Variants in BIRC6 observed in about 807,000 individuals in gnomAD.
BIRC6 encodes the protein baculoviral IAP repeat containing 6.
In BIRC6, 98 loss-of-function variants were observed where a neutral mutation model predicts 503.3. That is an observed-to-expected ratio of 0.19 (90% CI 0.17 to 0.23). The LOEUF (loss-of-function observed/expected upper bound fraction) is 0.23, where lower values mean the gene tolerates loss of function less well. Ranked by LOEUF, BIRC6 falls within the 10% of genes least tolerant of loss-of-function variation. The probability of loss-of-function intolerance (pLI) is 1.00; values close to 1 mark genes in which losing one functional copy is unlikely to be tolerated. For missense variants in BIRC6, 5,360 were observed against 5,806.0 expected, an observed-to-expected ratio of 0.92 and a Z score of 2.50; for synonymous variants, 2,240 against 2,078.7, an observed-to-expected ratio of 1.08 and a Z score of -2.11.
chr2:32,363,226 G>A (rs2034387393), intron 1 of BIRC6, among the ~76,000 whole-genome samples: 1 of 152,142 alleles, frequency 6.6e-6, no homozygotes, highest in Admixed American at 6.5e-5. Context: ...CAGATACTCG[G>A]GAGGCTGAGG....
At chr2:32,536,383 T>C (rs1466743978) in intron 61 of BIRC6, among the ~76,000 whole-genome samples, 1 of 152,220 alleles carries the variant, frequency 6.6e-6, no homozygotes, top group Non-Finnish European at 1.5e-5. Flanking sequence ...TCCTTGCCCA[T>C]GCCTATGTCC....
chr2:32,543,597 A>G (rs2057834533), intron 62 of BIRC6, 56 bp downstream of exon 62: 2 of 1,503,392 alleles, frequency 1.3e-6, no homozygotes, highest in South Asian at 2.4e-5. Flanking sequence ...GTGTAAAGGT[A>G]TCCAGATCAT....
In BIRC6 at chr2:32,617,902, T is replaced by C. The variant is rs1251684847; in HGVS notation, c.14572T>C (p.Ter4858ArgextTer8). The C allele has an allele frequency of 6.2e-7, 1 of 1,611,092 alleles. No homozygotes were observed. The highest frequency in any genetic ancestry group is 8.5e-7 in the Non-Finnish European group (1 of 1,177,918). Reference protein sequence around the residue: ...SKELPSDFQL* With the variant: ...SKELPSDFQLR ...AGAACTCCCCAGTGACTTCCAGTTA[T>C]GAGCTGCATTGATGTGGACTTCATA... is the stretch of plus-strand genomic sequence containing the variant. Residue 4858 changes from the stop codon to arginine (R), a stop_lost, in exon 74 of 74, where the codon TGA becomes CGA. Coordinates refer to ENST00000421745, the MANE Select transcript of BIRC6 (RefSeq NM_016252.4).
intron 1 of BIRC6, among the ~76,000 whole-genome samples, chr2:32,371,527 G>T (rs766395799): frequency 1.3e-5 from 2 of 151,378 alleles, no homozygotes; most frequent in Non-Finnish European, 2.9e-5. Context: ...GGTTCATGCC[G>T]CCATGCCCGG....
rs570661118 is a variant in BIRC6, at chr2:32,525,575, C to T, written c.11867C>T (p.Ala3956Val). ...KIGSTSGAEA[A>V]NKIITVPVFH... ...GGAAGTACTTCAGGAGCAGAGGCTGCCAACAAAATAATTACTGTCCCAGTG... is the reference window on the plus strand; with the variant it reads ...GGAAGTACTTCAGGAGCAGAGGCTGTCAACAAAATAATTACTGTCCCAGTG... The change falls in exon 59 of 74, where the codon GCC (alanine) becomes GTC (valine). Residue 3956 changes from alanine to valine, a missense_variant. By Grantham distance (64) the Ala-to-Val change is moderately conservative. Transcript: ENST00000421745. The T allele has an allele frequency of 3.8e-5, 62 of 1,613,704 alleles. No individual in the cohort carries two copies. The highest frequency in any genetic ancestry group is 4.9e-5 in the Non-Finnish European group (58 of 1,179,846).
rs1442106129 is a variant in BIRC6 at position 32,414,954 on chromosome 2, A to G, written c.1663A>G (p.Lys555Glu). ...TNSKSEKTKE[K>E]HQEQHNIPFP... is the part of the protein sequence containing the mutation. ...CTCTAAGAGTGAAAAGACAAAGGAA[A>G]AGCACCAGGAGCAACACAACATTCC... The change falls in exon 10 of 74, where the codon AAG (lysine) becomes GAG (glutamate). Residue 555 changes from lysine (K) to glutamate (E), a missense_variant. Around this residue, in one of 16 missense-constraint regions of BIRC6, gnomAD observed 700 missense variants for 739.3 expected, o/e 0.95. Transcript: ENST00000421745. The G allele has an allele frequency of 2.5e-6, 4 of 1,613,882 alleles. No homozygotes were observed. The highest frequency in any genetic ancestry group is 2.5e-6 in the Non-Finnish European group (3 of 1,179,890).
At position 32,427,746 on chromosome 2, in the gene BIRC6, G is replaced by A. The variant is rs1349954558; in HGVS notation, c.2873-1400G>A. ...TCCGAGAAGACATTTTCAGGTGTGT[G>A]TGTGTGTGTGTGTTTTACATCTTGA... On this transcript the variant is annotated intron_variant, in intron 10 of 73. Transcript: ENST00000421745. 2.0e-5 allele frequency among the ~76,000 whole-genome samples: 3 copies of A among 152,114 alleles called. No homozygotes were observed. The East Asian group carries it at 5.8e-4, about 29-fold the overall frequency.
chr2:32,367,675 G>A (rs921385775), intron 1 of BIRC6, among the ~76,000 whole-genome samples: 9 of 152,012 alleles, frequency 5.9e-5, no homozygotes, highest in African/African-American at 1.7e-4. Flanking sequence ...AATTAGCTGG[G>A]TGTGGTGGTG....
chr2:32,420,541 T>A (rs550388047), intron 10 of BIRC6, among the ~76,000 whole-genome samples: 5 of 152,020 alleles, frequency 3.3e-5, no homozygotes, highest in African/African-American at 1.2e-4. Context: ...TGAGACAGAG[T>A]CTTGCTTTGT....
At chr2:32,517,049 G>C (rs867924594) in intron 55 of BIRC6, among the ~76,000 whole-genome samples, 1 of 152,130 alleles carries the variant, frequency 6.6e-6, no homozygotes. Context: ...AAGAAGGGCA[G>C]GTCGGGTGCT....
At chr2:32,488,496 T>C (rs2051275766) in intron 41 of BIRC6, 92 bp from the exon 42 acceptor site, 1 of 1,114,260 alleles carries the variant, frequency 9.0e-7, no homozygotes, top group African/African-American at 1.6e-5. Flanking sequence ...TATTTACTCG[T>C]GACAAGAATT....
intron 32 of BIRC6, among the ~76,000 whole-genome samples, chr2:32,471,760 A>G (rs982328287): frequency 3.9e-5 from 6 of 152,160 alleles, no homozygotes; most frequent in South Asian, 2.1e-4. Context: ...TAAATCCAGT[A>G]TGTAAGCCAT....
At chr2:32,460,136 A>G (rs1015295828) in intron 23 of BIRC6, among the ~76,000 whole-genome samples, 3 of 123,884 alleles carry the variant, frequency 2.4e-5, no homozygotes, top group Non-Finnish European at 5.4e-5. Flanking sequence ...TCTTGTTCAT[A>G]TATGTATTAT....
intron 66 of BIRC6, among the ~76,000 whole-genome samples, chr2:32,578,374 C>A (rs1414513444): frequency 6.6e-6 from 1 of 152,108 alleles, no homozygotes; most frequent in Non-Finnish European, 1.5e-5. Flanking sequence ...TCATTCCCAA[C>A]TGTATTTCAC....
rs375721044 is a variant in BIRC6 at position 32,436,028 on chromosome 2, G to T, written c.3500-25G>T. 20 of 1,308,786 alleles carry T rather than the reference G, an allele frequency of 1.5e-5. No homozygotes were observed. The African/African-American group carries it at 2.5e-4, about 17-fold the overall frequency. 81.1% of individuals were successfully genotyped at this position (1,308,786 alleles called of 1,614,324 possible). On this transcript the variant is annotated intron_variant, in intron 14 of 73. Transcript: ENST00000421745. ...ACATTTTAAATGAATGAATTTAAAA[G>T]AAAAATATGTATTTTTCTTTTTAGG... is the stretch of plus-strand genomic sequence containing the variant.
intron 23 of BIRC6, among the ~76,000 whole-genome samples, chr2:32,460,350 C>T (rs2047754407): frequency 7.7e-6 from 1 of 130,552 alleles, no homozygotes; most frequent in Non-Finnish European, 1.5e-5. Flanking sequence ...AATCTTGGCT[C>T]ACTGCAATCT....
At chr2:32,499,429 T>G (rs1325409893) in intron 45 of BIRC6, 118 bp from the exon 46 acceptor site, 1 of 870,792 alleles carries the variant, frequency 1.1e-6, no homozygotes, top group Non-Finnish European at 1.7e-6. Context: ...TTAACTTTCT[T>G]GTATTGTGAT....
rs770811548 is a variant in BIRC6 at position 32,463,245 on chromosome 2, T to G, written c.4805T>G (p.Val1602Gly). The G allele has an allele frequency of 1.9e-6, 3 of 1,613,634 alleles. No homozygotes were observed. Among genetic ancestry groups the G allele is most frequent in the South Asian group, 1.1e-5 (1 of 90,988 alleles). The part of the protein sequence containing the change: ...PAVGGLSSGT[V>G]GEASTALSSA... Reference sequence around the variant, plus strand: ...GTAGGTGGACTATCATCTGGGACAGTTGGGGAAGCCTCGACAGCCCTGAGT... The same window carrying G: ...GTAGGTGGACTATCATCTGGGACAGGTGGGGAAGCCTCGACAGCCCTGAGT... The change falls in exon 24 of 74, where the codon GTT becomes GGT. Residue 1602 changes from valine (V) to glycine (G), a missense_variant. Transcript: ENST00000421745.
At chr2:32,437,228 T>A (rs372717199) in intron 15 of BIRC6, among the ~76,000 whole-genome samples, 6 of 152,306 alleles carry the variant, frequency 3.9e-5, no homozygotes, top group African/African-American at 1.2e-4. Flanking sequence ...GCCAGTATCA[T>A]ATACAATGAT....
Sources: allele counts gnomAD v4.1 joint callset (sites outside exome capture counted in the v4.1 genomes callset), GRCh38; gene constraint gnomAD v4.1.1; regional missense constraint gnomAD v4.1.1; transcripts MANE v1.5; gene names NCBI Gene and HGNC (gene_info 2026-07-23, HGNC 2026-07-21).